C8orf34: variants seen among roughly 807,000 people sequenced by gnomAD.
C8orf34 encodes the protein chromosome 8 open reading frame 34, also known as uncharacterized protein C8orf34.
A neutral mutation model predicts 68.3 loss-of-function variants in C8orf34; 65 were observed. That is an observed-to-expected ratio of 0.95 (90% CI 0.78 to 1.17). The LOEUF (loss-of-function observed/expected upper bound fraction) is 1.17. C8orf34 is among the 50% of genes most tolerant of loss of function. The probability of loss-of-function intolerance (pLI) is 0.00; values close to 1 mark genes in which losing one functional copy is unlikely to be tolerated. For missense variants in C8orf34, 664 were observed against 655.4 expected (o/e 1.01, Z -0.14); for synonymous variants, 244 against 241.2 (o/e 1.01, Z -0.11).
rs373838522 is a variant in C8orf34 at position 68,585,773 on chromosome 8, G to A, written c.1105+52624G>A. 2.0e-5 allele frequency among the ~76,000 whole-genome samples: 3 copies of A among 152,216 alleles called. No individual in the cohort carries two copies. The South Asian group carries it at 6.2e-4, about 32-fold the overall frequency. On this transcript the variant is annotated intron_variant, in intron 7 of 13. Transcript: ENST00000518698. The stretch of plus-strand genomic sequence containing the variant: ...TGGGCCTCTCCCTAAAGCTGCAGAA[G>A]TGTCCTCATGATATGGCAGCTAACT...
At position 68,632,403 on chromosome 8, in the gene C8orf34, G is replaced by GA. The variant is rs761160543; in HGVS notation, c.1106-7967dup. On this transcript the variant is annotated intron_variant, in intron 7 of 13. Coordinates refer to ENST00000518698, the MANE Select transcript of C8orf34 (RefSeq NM_052958.4). ...GTGTATGCCCATATTCGTTCACAAA[G>GA]AAAAAATCAGAAATTGGAAGTTAAA... Among the ~76,000 whole-genome samples the GA allele has an allele frequency of 1.4e-3, 212 of 152,174 alleles. 1 individual carries two copies. The highest frequency in any genetic ancestry group is 1.8e-3 in the Non-Finnish European group (122 of 67,988).
At chr8:68,345,775 A>G (rs1037906637) in intron 1 of C8orf34, among the ~76,000 whole-genome samples, 5 of 152,058 alleles carry the variant, frequency 3.3e-5, no homozygotes, top group African/African-American at 7.2e-5. Flanking sequence ...TGTATTATAT[A>G]TATGTGTGTG....
chr8:68,416,570 T>G (rs1809676045), intron 1 of C8orf34, among the ~76,000 whole-genome samples: 1 of 151,864 alleles, frequency 6.6e-6, no homozygotes, highest in Admixed American at 6.6e-5. Context: ...CTCTCTCTTT[T>G]GCCCAGGCTG....
chr8:68,594,391 C>G (rs1218628013), intron 7 of C8orf34, among the ~76,000 whole-genome samples: 1 of 151,860 alleles, frequency 6.6e-6, no homozygotes. Context: ...TCCTACTTTC[C>G]TCTTACGATG....
chr8:68,762,847 G>A (rs1413461928), intron 10 of C8orf34, among the ~76,000 whole-genome samples: 7 of 152,076 alleles, frequency 4.6e-5, no homozygotes, highest in Non-Finnish European at 8.8e-5. Context: ...AACATCTTGG[G>A]GCTCTTCTAG....
intron 10 of C8orf34, among the ~76,000 whole-genome samples, chr8:68,723,529 A>C (rs1319113979): frequency 1.3e-5 from 2 of 152,140 alleles, no homozygotes; most frequent in East Asian, 3.9e-4. Context: ...ATTATAACCT[A>C]CTGTTGCATT....
chr8:68,594,597 A>G (rs1817488497), intron 7 of C8orf34, among the ~76,000 whole-genome samples: 1 of 152,112 alleles, frequency 6.6e-6, no homozygotes, highest in Admixed American at 6.6e-5. Flanking sequence ...CCCTAAAAAT[A>G]TTAAAACAAC....
intron 5 of C8orf34, among the ~76,000 whole-genome samples, chr8:68,505,384 G>A (rs1813963399): frequency 6.6e-6 from 1 of 152,108 alleles, no homozygotes; most frequent in African/African-American, 2.4e-5. Context: ...TGGGTTTGGT[G>A]GTAAGAAGTT....
rs915267822 is a variant in C8orf34 at position 68,331,094 on chromosome 8, G to T, written c.82G>T (p.Val28Leu). ...CCGGCTCTCAGCGCCCCACGCGCGC[G>T]TGGCTCCCCGGGCTGCCACCCACGC... is the stretch of plus-strand genomic sequence containing the variant. ...GFRLSAPHAR[V>L]APRAATHARG... The change falls in exon 1 of 14, where the codon GTG becomes TTG. Residue 28 changes from valine to leucine, a missense_variant. Physicochemically the swap from Val to Leu is conservative, Grantham distance 32 (BLOSUM62 1). Transcript: ENST00000518698. 1.3e-6 allele frequency: 2 copies of T among 1,489,716 alleles called. No individual in the cohort carries two copies. Among genetic ancestry groups the T allele is most frequent in the East Asian group, 2.7e-5 (1 of 37,320 alleles). The allele number at this position is 1,489,716 out of a possible 1,614,324, so 92.3% of individuals were successfully genotyped here.
rs190645602 is a variant in C8orf34 at position 68,776,331 on chromosome 8, C to A, written c.1405-68C>A. The A allele has an allele frequency of 1.6e-4, 201 of 1,224,998 alleles. 1 individual carries two copies. The highest frequency in any genetic ancestry group is 3.8e-4 in the Admixed American group (22 of 57,576). 75.9% of individuals were successfully genotyped at this position (1,224,998 alleles called of 1,614,324 possible). The stretch of plus-strand genomic sequence containing the variant: ...GGTGTTGCTCTCAGATCCCACTCTC[C>A]ACGATTCTTTCATTCTTTTTCTCTC... On this transcript the variant is annotated intron_variant, in intron 10 of 13. Coordinates refer to ENST00000518698, the MANE Select transcript of C8orf34 (RefSeq NM_052958.4).
At chr8:68,548,592 T>C (rs1815963947) in intron 7 of C8orf34, among the ~76,000 whole-genome samples, 1 of 151,812 alleles carries the variant, frequency 6.6e-6, no homozygotes, top group Non-Finnish European at 1.5e-5. Flanking sequence ...GAATGCAAAA[T>C]TTTACAATCA....
At chr8:68,602,349 G>T (rs1817722719) in intron 7 of C8orf34, among the ~76,000 whole-genome samples, 2 of 152,144 alleles carry the variant, frequency 1.3e-5, no homozygotes, top group South Asian at 4.2e-4. Flanking sequence ...AAATGAAAAA[G>T]GTTTAATTGA....
At chr8:68,678,549 T>A (rs939618319) in intron 8 of C8orf34, among the ~76,000 whole-genome samples, 10 of 152,096 alleles carry the variant, frequency 6.6e-5, no homozygotes, top group Non-Finnish European at 1.5e-4. Context: ...TTCTTCATGA[T>A]AAAAATCCTG....
At chr8:68,495,062 C>A (rs904645685) in intron 5 of C8orf34, among the ~76,000 whole-genome samples, 4 of 151,726 alleles carry the variant, frequency 2.6e-5, no homozygotes, top group Admixed American at 6.6e-5. Flanking sequence ...TAGAACAATT[C>A]CCCCGGAGGT....
chr8:68,725,749 G>T (rs568817227), intron 10 of C8orf34, among the ~76,000 whole-genome samples: 2 of 152,252 alleles, frequency 1.3e-5, no homozygotes, highest in East Asian at 3.9e-4. Context: ...ATGGTTCCCA[G>T]TGCCCAAACT....
At chr8:68,743,595 C>T (rs532965485) in intron 10 of C8orf34, among the ~76,000 whole-genome samples, 1 of 152,316 alleles carries the variant, frequency 6.6e-6, no homozygotes, top group Admixed American at 6.5e-5. Flanking sequence ...CAGGGAGTTC[C>T]CTTTCCTAGT....
intron 7 of C8orf34, among the ~76,000 whole-genome samples, chr8:68,610,935 G>A (rs1818004265): frequency 7.0e-6 from 1 of 143,748 alleles, no homozygotes; most frequent in Admixed American, 7.4e-5. Context: ...TGCTATCTCA[G>A]CTCACTGCAA....
intron 1 of C8orf34, among the ~76,000 whole-genome samples, chr8:68,436,671 C>G (rs1810681053): frequency 6.6e-6 from 1 of 152,126 alleles, no homozygotes; most frequent in Non-Finnish European, 1.5e-5. Context: ...TGGTGTTCAG[C>G]TTATGTACCT....
intron 7 of C8orf34, among the ~76,000 whole-genome samples, chr8:68,637,030 G>A (rs1818867347): frequency 6.6e-6 from 1 of 152,186 alleles, no homozygotes; most frequent in Non-Finnish European, 1.5e-5. Context: ...GTAGCCTTTT[G>A]TCAAGCTGAC....
Sources: gnomAD v4.1 joint callset for allele counts (sites outside exome capture counted in the v4.1 genomes callset) on GRCh38, gnomAD v4.1.1 for gene constraint, MANE v1.5 for transcripts, NCBI Gene and HGNC (gene_info 2026-07-23, HGNC 2026-07-21) for gene names.